The following ROBO2 variants were observed in gnomAD, a reference collection of about 807,000 sequenced individuals.
ROBO2 encodes roundabout homolog 2.
A neutral mutation model predicts 160.8 loss-of-function variants in ROBO2; 53 were observed. The observed-to-expected ratio is 0.33, with a 90% CI of 0.26 to 0.41. The LOEUF is 0.41. ROBO2 is among the 10% of genes least tolerant of loss of function. The pLI, the probability that ROBO2 is intolerant of heterozygous loss-of-function variation, is 1.00. For missense variants in ROBO2, 1,577 were observed against 1,722.4 expected, an observed-to-expected ratio of 0.92 and a Z score of 1.49; for synonymous variants, 664 against 611.7, an observed-to-expected ratio of 1.09 and a Z score of -1.26.
intron 17 of ROBO2, among the ~76,000 whole-genome samples, chr3:77,591,028 C>T (rs1341014083): frequency 4.6e-5 from 7 of 151,962 alleles, no homozygotes; most frequent in Non-Finnish European, 1.5e-5. Context: ...TGATAGATGG[C>T]TCACTATGAA....
chr3:75,998,467 G>T (rs951337546), intron 2 of ROBO2, among the ~76,000 whole-genome samples: 69 of 152,106 alleles, frequency 4.5e-4, no homozygotes, highest in African/African-American at 1.6e-3. Context: ...CTGTGCTAAT[G>T]GTTGGAGAAT....
At chr3:76,712,448 G>A (rs1025990836) in intron 2 of ROBO2, among the ~76,000 whole-genome samples, 1 of 152,124 alleles carries the variant, frequency 6.6e-6, no homozygotes, top group African/African-American at 2.4e-5. Context: ...GCCGAGGTGG[G>A]CGGATCACCT....
chr3:77,253,892 G>C (rs1184169603), intron 2 of ROBO2, among the ~76,000 whole-genome samples: 1 of 152,042 alleles, frequency 6.6e-6, no homozygotes, highest in East Asian at 1.9e-4. Context: ...TGTAATATTT[G>C]AAATATTTTG....
chr3:77,366,268 T>C (rs1343157537), intron 2 of ROBO2, among the ~76,000 whole-genome samples: 1 of 152,186 alleles, frequency 6.6e-6, no homozygotes, highest in African/African-American at 2.4e-5. Context: ...ACAATTCTTG[T>C]GTCTACTCAA....
intron 2 of ROBO2, among the ~76,000 whole-genome samples, chr3:76,510,965 T>G (rs1046902389): frequency 5.3e-5 from 8 of 152,066 alleles, no homozygotes; most frequent in African/African-American, 1.7e-4. Flanking sequence ...AAAGACACAG[T>G]ATTAAAGTTT....
Position 77,099,071 on chromosome 3 carries a change from C to CTTTTTTT in ROBO2, c.388+743_388+749dup, listed in dbSNP as rs750626067. ...AACAAAATTGTACTTTTCTTTCTTT[C>CTTTTTTT]TTTTTTTTTTTTTTTTTTGAGACAG... On this transcript the variant is annotated intron_variant, in intron 2 of 25. Transcript: ENST00000461745. Among the ~76,000 whole-genome samples the CTTTTTTT allele has an allele frequency of 1.5e-3, 184 of 121,218 alleles. 2 individuals carry two copies. Among genetic ancestry groups the CTTTTTTT allele is most frequent in the East Asian group, 6.8e-3 (26 of 3,846 alleles). The allele number at this position is 121,218 out of a possible 152,430, so 79.5% of individuals were successfully genotyped here. A position where few individuals can be genotyped will look rare whatever the true frequency, so the allele number is the denominator to read the frequency against.
At chr3:76,611,359 T>C (rs1413182828) in intron 2 of ROBO2, among the ~76,000 whole-genome samples, 1 of 152,188 alleles carries the variant, frequency 6.6e-6, no homozygotes, top group African/African-American at 2.4e-5. Context: ...TTTTTTTCTT[T>C]AAATATTTGG....
intron 2 of ROBO2, among the ~76,000 whole-genome samples, chr3:76,032,359 A>C (rs897902648): frequency 6.6e-6 from 1 of 151,776 alleles, no homozygotes; most frequent in Non-Finnish European, 1.5e-5. Flanking sequence ...TATCTCCTTC[A>C]GTTCTGCTCT....
At chr3:76,709,136 A>G (rs1282183646) in intron 2 of ROBO2, among the ~76,000 whole-genome samples, 1 of 152,180 alleles carries the variant, frequency 6.6e-6, no homozygotes, top group Non-Finnish European at 1.5e-5. Flanking sequence ...TAGTACCATG[A>G]AAAGGTTGGC....
chr3:76,181,764 A>G (rs997675255), intron 2 of ROBO2, among the ~76,000 whole-genome samples: 6 of 152,038 alleles, frequency 3.9e-5, no homozygotes, highest in Admixed American at 6.6e-5. Flanking sequence ...TCCTACACCA[A>G]TCATGAGATG....
At chr3:76,696,975 T>G (rs2092941217) in intron 2 of ROBO2, among the ~76,000 whole-genome samples, 1 of 152,218 alleles carries the variant, frequency 6.6e-6, no homozygotes, top group African/African-American at 2.4e-5. Flanking sequence ...ACAGTGGTGC[T>G]GGACTGGGAT....
chr3:77,235,231 A>T (rs1192212368), intron 2 of ROBO2, among the ~76,000 whole-genome samples: 2 of 152,226 alleles, frequency 1.3e-5, no homozygotes, highest in East Asian at 3.8e-4. Context: ...ATGACTAATC[A>T]TGAAAGGCTG....
intron 2 of ROBO2, among the ~76,000 whole-genome samples, chr3:77,305,375 G>A (rs2063014913): frequency 1.3e-5 from 2 of 152,162 alleles, no homozygotes; most frequent in Non-Finnish European, 2.9e-5. Flanking sequence ...TTCTGAGGGT[G>A]AGACTGTAAA....
In ROBO2 at chr3:77,618,246, GGTCA is replaced by G. The variant is rs1388459960; in HGVS notation, c.3554+476_3554+479del. The G allele has an allele frequency of 1.6e-5, 3 of 185,526 alleles. No homozygotes were observed. In the East Asian group the frequency reaches 4.2e-4, roughly 26 times the overall value. 11.5% of individuals were successfully genotyped at this position (185,526 alleles called of 1,614,324 possible). Reference sequence around the variant, plus strand: ...ATGTGAGCTTCTGCAAATCACATATGGTCAGTATTAGTTATTAAAAGACTCTCTT... The same window carrying G: ...ATGTGAGCTTCTGCAAATCACATATGGTATTAGTTATTAAAAGACTCTCTT... On this transcript the variant is annotated intron_variant, in intron 22 of 25. Transcript: ENST00000461745.
At chr3:77,553,586 G>A (rs1025627343) in intron 8 of ROBO2, among the ~76,000 whole-genome samples, 7 of 151,932 alleles carry the variant, frequency 4.6e-5, no homozygotes, top group African/African-American at 1.7e-4. Flanking sequence ...GTTTTTGAAG[G>A]AAAGTAAAAG....
At chr3:76,622,187 A>AGGATGGAAGG (rs765638700) in intron 2 of ROBO2, among the ~76,000 whole-genome samples, 1 of 57,184 alleles carries the variant, frequency 1.7e-5, no homozygotes, top group Non-Finnish European at 3.6e-5. Context: ...CTACTAAAAA[A>AGGATGGAAGG]AAGAAAGGAA....
chr3:75,906,792 G>A (rs1268826214), exon 1 of ROBO2: 1 of 152,350 alleles, frequency 6.6e-6, no homozygotes, highest in Non-Finnish European at 1.5e-5. Flanking sequence ...GAAAAGGAAG[G>A]ACGGCTCCCA....
intron 2 of ROBO2, among the ~76,000 whole-genome samples, chr3:76,818,406 G>A (rs2065867083): frequency 6.6e-6 from 1 of 151,870 alleles, no homozygotes; most frequent in Non-Finnish European, 1.5e-5. Flanking sequence ...TCCTTTGTTG[G>A]ATGTATAGAC....
Position 77,243,352 on chromosome 3 carries a change from A to G in ROBO2, c.388+145012A>G, listed in dbSNP as rs532133570. ...AGATCATGACTGCTAACTGTAGTCT[A>G]GTACTAATTAAAGACCTACATGGTT... On this transcript the variant is annotated intron_variant, in intron 2 of 25. Transcript: ENST00000461745. Among the ~76,000 whole-genome samples the G allele has an allele frequency of 2.6e-5, 4 of 152,302 alleles. No homozygotes were observed. In the South Asian group the frequency reaches 8.3e-4, roughly 32 times the overall value.
Sources: gnomAD v4.1 joint callset for allele counts (sites outside exome capture counted in the v4.1 genomes callset) on GRCh38, gnomAD v4.1.1 for gene constraint, MANE v1.5 for transcripts, NCBI Gene and HGNC (gene_info 2026-07-23, HGNC 2026-07-21) for gene names.